QTMAN: variants seen among roughly 807,000 people sequenced by gnomAD.
The protein encoded by QTMAN is tRNA-queuosine alpha-mannosyltransferase.
At chr2:144,010,693 A>G in the QTMAN span, among the ~76,000 whole-genome samples, 1 of 152,116 alleles carries the variant, frequency 6.6e-6, no homozygotes, top group African/African-American at 2.4e-5. Flanking sequence ...GAGAGTGTTT[A>G]GAAGAGCAAT....
chr2:144,256,231 A>C, the QTMAN span, among the ~76,000 whole-genome samples: 1 of 152,206 alleles, frequency 6.6e-6, no homozygotes, highest in Admixed American at 6.5e-5. Context: ...GAAATTCGAC[A>C]GGCTTCCCAT....
At chr2:144,316,282 G>C in the QTMAN span, among the ~76,000 whole-genome samples, 53 of 151,510 alleles carry the variant, frequency 3.5e-4, no homozygotes, top group Admixed American at 1.3e-3. Flanking sequence ...TAACCAAATG[G>C]GTCCTTTCCA....
At chr2:144,174,449 T>C in the QTMAN span, among the ~76,000 whole-genome samples, 6 of 152,030 alleles carry the variant, frequency 3.9e-5, no homozygotes, top group Non-Finnish European at 7.4e-5. Context: ...ATTTTGTCCA[T>C]TTTTTTTGTC....
chr2:144,049,272 T>C, the QTMAN span, among the ~76,000 whole-genome samples: 2 of 152,200 alleles, frequency 1.3e-5, no homozygotes, highest in South Asian at 2.1e-4. Flanking sequence ...ACACGTTTTG[T>C]TTAGTCTCAT....
the QTMAN span, among the ~76,000 whole-genome samples, chr2:144,046,605 C>T: frequency 7.2e-5 from 11 of 152,124 alleles, no homozygotes; most frequent in African/African-American, 2.7e-4. Context: ...TGAGATACAA[C>T]ATAAAACCAT....
chr2:144,194,153 G>C, the QTMAN span, among the ~76,000 whole-genome samples: 3 of 152,192 alleles, frequency 2.0e-5, no homozygotes, highest in South Asian at 4.1e-4. Flanking sequence ...TAGGGGAACA[G>C]TACAAATTCT....
the QTMAN span, among the ~76,000 whole-genome samples, chr2:144,282,698 T>G: frequency 6.6e-6 from 1 of 152,096 alleles, no homozygotes; most frequent in East Asian, 1.9e-4. Context: ...ACAGAACTTC[T>G]AAATCCCTTG....
the QTMAN span, among the ~76,000 whole-genome samples, chr2:144,097,961 G>A: frequency 1.3e-5 from 2 of 152,112 alleles, no homozygotes; most frequent in African/African-American, 2.4e-5. Flanking sequence ...CGGTCTGAAG[G>A]CTTGCCTTGT....
chr2:144,303,929 T>A, the QTMAN span, among the ~76,000 whole-genome samples: 1 of 152,208 alleles, frequency 6.6e-6, no homozygotes, highest in African/African-American at 2.4e-5. Context: ...GGAACAGATA[T>A]CAGAGTTTTA....
the QTMAN span, among the ~76,000 whole-genome samples, chr2:144,032,034 C>T: frequency 6.6e-6 from 1 of 152,184 alleles, no homozygotes; most frequent in African/African-American, 2.4e-5. Flanking sequence ...CTGCCCACCT[C>T]AGCCTCCCAA....
chr2:144,164,501 G>A, the QTMAN span, among the ~76,000 whole-genome samples: 6,947 of 152,116 alleles, frequency 0.046, 528 homozygotes, highest in African/African-American at 0.16. Flanking sequence ...CCATTCTATA[G>A]TTTCTACTCT....
At chr2:144,256,080 C>T in the QTMAN span, among the ~76,000 whole-genome samples, 4 of 152,084 alleles carry the variant, frequency 2.6e-5, no homozygotes, top group South Asian at 8.3e-4. Flanking sequence ...CTGGTGTGTG[C>T]AGTTTAATAC....
the QTMAN span, among the ~76,000 whole-genome samples, chr2:144,046,134 T>C: frequency 4.6e-5 from 7 of 152,130 alleles, no homozygotes; most frequent in South Asian, 2.1e-4. Context: ...GGAACATAAA[T>C]AAACAGGCAA....
At chr2:143,946,733 T>C in the QTMAN span, 2 of 286,014 alleles carry the variant, frequency 7.0e-6, no homozygotes, top group Non-Finnish European at 1.3e-5. Context: ...GCACCACATA[T>C]GGGATACATG....
the QTMAN span, among the ~76,000 whole-genome samples, chr2:144,329,611 AAAT>A: frequency 6.6e-6 from 1 of 152,212 alleles, no homozygotes; most frequent in Middle Eastern, 3.2e-3. Context: ...TCTATTACTA[AAAT>A]AATGTTCTTT....
chr2:144,197,752 A>G, the QTMAN span, among the ~76,000 whole-genome samples: 1 of 152,116 alleles, frequency 6.6e-6, no homozygotes, highest in Admixed American at 6.6e-5. Flanking sequence ...CTCATTTAGA[A>G]TCTCACTATT....
At chr2:143,981,057 G>C in the QTMAN span, among the ~76,000 whole-genome samples, 1 of 152,110 alleles carries the variant, frequency 6.6e-6, no homozygotes, top group Non-Finnish European at 1.5e-5. Flanking sequence ...AGTCATCCCT[G>C]AGAAATCCCA....
chr2:144,307,966 T>C, the QTMAN span, among the ~76,000 whole-genome samples: 1 of 152,144 alleles, frequency 6.6e-6, no homozygotes, highest in African/African-American at 2.4e-5. Flanking sequence ...TGTAGAAATG[T>C]ACAAGCCGAT....
At chr2:143,951,278 G>C in the QTMAN span, among the ~76,000 whole-genome samples, 1 of 151,536 alleles carries the variant, frequency 6.6e-6, no homozygotes, top group African/African-American at 2.4e-5. Flanking sequence ...TCATAAAGCA[G>C]ATTTATCCTA....
Sources: allele counts gnomAD v4.1 joint callset (sites outside exome capture counted in the v4.1 genomes callset), GRCh38; gene constraint gnomAD v4.1.1; transcripts MANE v1.5; gene names NCBI Gene and HGNC (gene_info 2026-07-23, HGNC 2026-07-21).